PATJ: variants seen among roughly 807,000 people sequenced by gnomAD.
PATJ encodes inaD-like protein.
In PATJ, 190 loss-of-function variants were observed where a neutral mutation model predicts 224.9. The observed-to-expected ratio is 0.84, with a 90% CI of 0.75 to 0.95. PATJ has a LOEUF of 0.95. PATJ is among the 40% of genes least tolerant of loss of function. The pLI, the probability that PATJ is intolerant of heterozygous loss-of-function variation, is 0.00. For synonymous variants in PATJ, 769 were observed against 820.3 expected (o/e 0.94, Z 1.07); for missense variants, 2,121 against 2,270.3 (o/e 0.93, Z 1.34).
intron 41 of PATJ, among the ~76,000 whole-genome samples, chr1:62,130,716 T>C (rs181302339): frequency 6.6e-6 from 1 of 152,042 alleles, no homozygotes; most frequent in South Asian, 2.1e-4. Context: ...CCGGGCATGG[T>C]GGCGGGCGCC....
At chr1:61,794,540 A>G (rs1002942483) in intron 9 of PATJ, among the ~76,000 whole-genome samples, 2 of 151,958 alleles carry the variant, frequency 1.3e-5, no homozygotes, top group African/African-American at 4.8e-5. Flanking sequence ...GTCCCTTCCC[A>G]TGGGAAGGCA....
chr1:61,839,231 G>A (rs1311976418), intron 17 of PATJ, among the ~76,000 whole-genome samples: 1 of 151,854 alleles, frequency 6.6e-6, no homozygotes, highest in African/African-American at 2.4e-5. Flanking sequence ...CATCCATACA[G>A]TAAACTTATT....
At chr1:62,067,123 C>CTTTTTTTT (rs11381578) in intron 31 of PATJ, among the ~76,000 whole-genome samples, 7 of 116,474 alleles carry the variant, frequency 6.0e-5, no homozygotes, top group Non-Finnish European at 8.8e-5. Context: ...CCTATTCTTT[C>CTTTTTTTT]TTTTTTTTTT....
chr1:61,891,510 G>C (rs1241035491), intron 22 of PATJ, among the ~76,000 whole-genome samples: 1 of 152,158 alleles, frequency 6.6e-6, no homozygotes, highest in Non-Finnish European at 1.5e-5. Context: ...GGGAGTCTGT[G>C]GCCTCGAGCA....
intron 1 of PATJ, among the ~76,000 whole-genome samples, chr1:61,751,961 A>G (rs1645356927): frequency 6.6e-6 from 1 of 152,064 alleles, no homozygotes; most frequent in Non-Finnish European, 1.5e-5. Flanking sequence ...TAACATGGAA[A>G]AATCTTATCT....
intron 41 of PATJ, among the ~76,000 whole-genome samples, chr1:62,145,785 G>A (rs963815340): frequency 7.9e-5 from 12 of 151,852 alleles, no homozygotes; most frequent in Non-Finnish European, 1.8e-4. Flanking sequence ...GTGAAACCCT[G>A]TCTCTACTAA....
intron 16 of PATJ, among the ~76,000 whole-genome samples, chr1:61,831,984 C>A (rs1659412223): frequency 6.6e-6 from 1 of 152,174 alleles, no homozygotes; most frequent in Non-Finnish European, 1.5e-5. Context: ...CCATGGAATA[C>A]TATCCAGCCA....
intron 29 of PATJ, among the ~76,000 whole-genome samples, chr1:62,019,767 A>T (rs1366640509): frequency 2.0e-5 from 3 of 152,026 alleles, no homozygotes; most frequent in African/African-American, 7.3e-5. Context: ...GATTAAAAAA[A>T]AAAACTTGAG....
At chr1:62,143,995 C>T (rs1667764683) in intron 41 of PATJ, among the ~76,000 whole-genome samples, 1 of 152,040 alleles carries the variant, frequency 6.6e-6, no homozygotes, top group Non-Finnish European at 1.5e-5. Flanking sequence ...TGGTGGACTT[C>T]AAGAGTAGGG....
intron 20 of PATJ, 152 bp downstream of exon 20, chr1:61,864,785 T>C: frequency 1.6e-6 from 1 of 621,478 alleles, no homozygotes; most frequent in Non-Finnish European, 2.7e-6. Context: ...AGTGTCTAGC[T>C]GTAAGTATAA....
At chr1:61,984,730 A>G (rs572893827) in intron 27 of PATJ, among the ~76,000 whole-genome samples, 5 of 152,186 alleles carry the variant, frequency 3.3e-5, no homozygotes, top group Non-Finnish European at 7.3e-5. Flanking sequence ...GAACATCTAT[A>G]CTATTCAGTA....
chr1:62,108,405 G>T, intron 33 of PATJ, 32 bp from the exon 34 acceptor site: 1 of 1,424,144 alleles, frequency 7.0e-7, no homozygotes, highest in Middle Eastern at 1.8e-4. Context: ...ATTTGTGGTT[G>T]TTGAAAATGA....
chr1:62,028,385 A>G (rs947441152), intron 29 of PATJ, among the ~76,000 whole-genome samples: 4 of 152,160 alleles, frequency 2.6e-5, no homozygotes, highest in Admixed American at 6.5e-5. Flanking sequence ...AGAAGACTTC[A>G]TTCTTTTACA....
intron 28 of PATJ, among the ~76,000 whole-genome samples, chr1:62,000,180 T>G: frequency 6.7e-6 from 1 of 150,088 alleles, no homozygotes; most frequent in East Asian, 2.0e-4. Flanking sequence ...ACAGCCACCG[T>G]GCCCAGCCTA....
At chr1:62,024,101 A>T (rs1436589795) in intron 29 of PATJ, among the ~76,000 whole-genome samples, 3 of 152,092 alleles carry the variant, frequency 2.0e-5, no homozygotes, top group Non-Finnish European at 4.4e-5. Flanking sequence ...TCGGTTTGCT[A>T]ATATTTTGTT....
At chr1:61,935,412 T>G (rs181676443) in intron 27 of PATJ, among the ~76,000 whole-genome samples, 23 of 152,284 alleles carry the variant, frequency 1.5e-4, no homozygotes, top group African/African-American at 5.3e-4. Flanking sequence ...CTAATTTTGT[T>G]TTTCCCAGAA....
intron 3 of PATJ, among the ~76,000 whole-genome samples, 192 bp downstream of exon 3, chr1:61,763,371 A>G (rs748121517): frequency 3.3e-5 from 5 of 152,040 alleles, no homozygotes; most frequent in South Asian, 4.2e-4. Flanking sequence ...TCAATAATCA[A>G]TTTTTTCTTT....
intron 42 of PATJ, 88 bp downstream of exon 42, chr1:62,148,478 GAAGTGGCCA>G: frequency 1.1e-6 from 1 of 914,922 alleles, no homozygotes; most frequent in South Asian, 1.4e-5. Flanking sequence ...CTCTAAAGGA[GAAGTGGCCA>G]AAGCGCCCGT....
chr1:61,815,338 C>T (rs764461212), intron 14 of PATJ, among the ~76,000 whole-genome samples: 1 of 152,152 alleles, frequency 6.6e-6, no homozygotes, highest in Non-Finnish European at 1.5e-5. Context: ...TGTTAAAGGG[C>T]CCCTTGGGAG....
Sources: gnomAD v4.1 joint callset for allele counts (sites outside exome capture counted in the v4.1 genomes callset) on GRCh38, gnomAD v4.1.1 for gene constraint, MANE v1.5 for transcripts, NCBI Gene and HGNC (gene_info 2026-07-23, HGNC 2026-07-21) for gene names.